Variants in NTNG1 observed in about 807,000 individuals in gnomAD.
The protein encoded by NTNG1 is netrin-G1.
In NTNG1, 16 loss-of-function variants were observed where a neutral mutation model predicts 54.0. The ratio of observed to expected loss-of-function variants is 0.30; its 90% CI spans 0.20 to 0.45. The LOEUF is 0.45. Among genes scored for constraint, NTNG1 ranks in the 20% least tolerant of loss-of-function variants. The pLI, the probability that NTNG1 is intolerant of heterozygous loss-of-function variation, is 1.00. For synonymous variants in NTNG1, 255 were observed against 263.1 expected (o/e 0.97, Z 0.30); for missense variants, 530 against 678.7 (o/e 0.78, Z 2.43).
intron 2 of NTNG1, among the ~76,000 whole-genome samples, chr1:107,220,678 G>A (rs1010319462): frequency 5.3e-5 from 8 of 152,176 alleles, no homozygotes; most frequent in African/African-American, 7.2e-5. Flanking sequence ...TCATAGGATT[G>A]TTGTGAACAT....
At chr1:107,422,881 T>C (rs555965855) in intron 5 of NTNG1, among the ~76,000 whole-genome samples, 1 of 152,124 alleles carries the variant, frequency 6.6e-6, no homozygotes, top group Non-Finnish European at 1.5e-5. Flanking sequence ...AATTTACTAA[T>C]GTAATTATAG....
chr1:107,429,199 T>C (rs1265080240), intron 5 of NTNG1, among the ~76,000 whole-genome samples: 1 of 152,090 alleles, frequency 6.6e-6, no homozygotes, highest in African/African-American at 2.4e-5. Flanking sequence ...CTGTTTCTGG[T>C]TATCTTCTAC....
At chr1:107,363,139 G>T (rs891216901) in intron 3 of NTNG1, among the ~76,000 whole-genome samples, 11 of 152,098 alleles carry the variant, frequency 7.2e-5, no homozygotes, top group Non-Finnish European at 1.3e-4. Context: ...TTGTAAATAT[G>T]AATTAGTCTA....
intron 2 of NTNG1, among the ~76,000 whole-genome samples, chr1:107,302,287 A>T (rs1325303701): frequency 6.6e-6 from 1 of 152,026 alleles, no homozygotes; most frequent in African/African-American, 2.4e-5. Flanking sequence ...TCTGCCCCAT[A>T]ATTTGGGACT....
At chr1:107,237,908 A>T (rs560295814) in intron 2 of NTNG1, among the ~76,000 whole-genome samples, 2 of 152,312 alleles carry the variant, frequency 1.3e-5, no homozygotes, top group South Asian at 4.1e-4. Flanking sequence ...GTCAGTGTGG[A>T]AGGGAAATAT....
chr1:107,431,977 C>CA (rs1019242801), intron 6 of NTNG1, among the ~76,000 whole-genome samples: 37 of 151,822 alleles, frequency 2.4e-4, no homozygotes, highest in Admixed American at 3.9e-4. Context: ...CCAAGTGTCA[C>CA]AAAAAAAAGC....
intron 2 of NTNG1, among the ~76,000 whole-genome samples, chr1:107,294,820 C>T (rs2500218): frequency 0.99 from 150,291 of 152,232 alleles, 74,212 homozygotes; most frequent in Middle Eastern, 1. Flanking sequence ...TATCTGCCAT[C>T]TTGTGACATT....
chr1:107,151,120 T>G (rs1366029999), intron 2 of NTNG1, among the ~76,000 whole-genome samples: 1 of 152,210 alleles, frequency 6.6e-6, no homozygotes, highest in Non-Finnish European at 1.5e-5. Context: ...ATGCTTAATT[T>G]GTATTCCTTA....
At chr1:107,161,376 A>T (rs760311040) in intron 2 of NTNG1, among the ~76,000 whole-genome samples, 1 of 152,160 alleles carries the variant, frequency 6.6e-6, no homozygotes, top group Non-Finnish European at 1.5e-5. Context: ...ACCACAACTT[A>T]TAGGCCGGGT....
chr1:107,204,051 A>G (rs1323969544), intron 2 of NTNG1, among the ~76,000 whole-genome samples: 1 of 151,066 alleles, frequency 6.6e-6, no homozygotes, highest in East Asian at 1.9e-4. Context: ...TTTTTTTTCC[A>G]TATTATTGCT....
At chr1:107,313,228 A>G (rs1476332245) in intron 2 of NTNG1, among the ~76,000 whole-genome samples, 1 of 152,196 alleles carries the variant, frequency 6.6e-6, no homozygotes, top group Non-Finnish European at 1.5e-5. Context: ...ATACCCCTCA[A>G]TTGAGATTTG....
chr1:107,268,850 T>C (rs1043190606), intron 2 of NTNG1, among the ~76,000 whole-genome samples: 1 of 152,208 alleles, frequency 6.6e-6, no homozygotes, highest in African/African-American at 2.4e-5. Flanking sequence ...GTAGTCTTCA[T>C]CACATGAAAA....
intron 7 of NTNG1, among the ~76,000 whole-genome samples, chr1:107,456,484 A>G (rs1676963914): frequency 6.6e-6 from 1 of 152,102 alleles, no homozygotes; most frequent in African/African-American, 2.4e-5. Flanking sequence ...GTAGTATTGG[A>G]GGATTACTCC....
At chr1:107,189,036 AT>A (rs1657685451) in intron 2 of NTNG1, among the ~76,000 whole-genome samples, 2 of 151,966 alleles carry the variant, frequency 1.3e-5, no homozygotes, top group South Asian at 4.1e-4. Flanking sequence ...GTACAGTCAA[AT>A]TTTGGGGGAC....
intron 2 of NTNG1, among the ~76,000 whole-genome samples, chr1:107,295,288 C>CT (rs2101780522): frequency 6.6e-6 from 1 of 152,224 alleles, no homozygotes; most frequent in Admixed American, 6.5e-5. Context: ...TTACCTATAC[C>CT]TTTTTGCTCA....
At chr1:107,259,516 T>C (rs1478129494) in intron 2 of NTNG1, among the ~76,000 whole-genome samples, 1 of 152,242 alleles carries the variant, frequency 6.6e-6, no homozygotes, top group Non-Finnish European at 1.5e-5. Flanking sequence ...CTGAACTTAT[T>C]ATTTTGGATA....
intron 5 of NTNG1, 186 bp from the exon 6 acceptor site, chr1:107,430,564 G>A (rs963717995): frequency 1.3e-6 from 1 of 745,420 alleles, no homozygotes; most frequent in African/African-American, 1.7e-5. Flanking sequence ...TTTCTATCCT[G>A]CTTGAAACAG....
intron 7 of NTNG1, among the ~76,000 whole-genome samples, chr1:107,461,764 C>T (rs1484982900): frequency 1.3e-5 from 2 of 152,016 alleles, no homozygotes; most frequent in Non-Finnish European, 2.9e-5. Flanking sequence ...GATCTCTTGA[C>T]CTCGTGAACT....
Position 107,480,594 on chromosome 1 carries a change from TC to T in NTNG1, c.1391-12del, listed in dbSNP as rs760399440. ...TCCCCGCGCCCACCCACCCCTACCT[TC>T]CCCCTCATTCTGCAGCGAATGTCTG... On this transcript the variant is annotated splice_polypyrimidine_tract_variant and intron_variant, in intron 7 of 7. Coordinates refer to ENST00000370068, the MANE Select transcript of NTNG1 (RefSeq NM_001113226.3). 3.1e-5 allele frequency: 14 copies of T among 449,894 alleles called. No homozygotes were observed. Among genetic ancestry groups the T allele is most frequent in the South Asian group, 2.4e-4 (12 of 50,538 alleles). 27.9% of individuals were successfully genotyped at this position (449,894 alleles called of 1,614,324 possible).
Sources: allele counts gnomAD v4.1 joint callset (sites outside exome capture counted in the v4.1 genomes callset), GRCh38; gene constraint gnomAD v4.1.1; transcripts MANE v1.5; gene names NCBI Gene and HGNC (gene_info 2026-07-23, HGNC 2026-07-21).